The following APTX variants were observed in gnomAD, a reference collection of about 807,000 sequenced individuals.
APTX encodes forkhead-associated domain histidine triad-like protein.
APTX carries 33 observed loss-of-function variants against 42.3 expected under a neutral mutation model. That is an observed-to-expected ratio of 0.78 (90% confidence interval 0.59 to 1.04). The LOEUF is 1.04. Among genes scored for constraint, APTX ranks in the 50% least tolerant of loss-of-function variants. The probability of loss-of-function intolerance (pLI) is 0.00; values close to 1 mark genes in which losing one functional copy is unlikely to be tolerated. For synonymous variants in APTX, 130 were observed against 146.7 expected (o/e 0.89, Z 0.82); for missense variants, 421 against 415.1 (o/e 1.01, Z -0.12).
At chr9:33,004,404 G>A (rs1738150762), upstream of APTX, among the ~76,000 whole-genome samples, 1 of 152,096 alleles carries the variant, frequency 6.6e-6, no homozygotes, top group Non-Finnish European at 1.5e-5. Flanking sequence ...AAAACCATTT[G>A]TACCCCTAAA....
intron 6 of APTX, among the ~76,000 whole-genome samples, chr9:32,983,386 G>C (rs983319624): frequency 1.3e-5 from 2 of 152,148 alleles, no homozygotes; most frequent in African/African-American, 4.8e-5. Context: ...AGGGGCACAA[G>C]GGAACTTTCT....
At chr9:33,004,936 G>A (rs1024000243), upstream of APTX, among the ~76,000 whole-genome samples, 3 of 151,874 alleles carry the variant, frequency 2.0e-5, no homozygotes, top group South Asian at 2.1e-4. Context: ...CACTGCGCCC[G>A]GCCGCTTGTT....
intron 1 of APTX, among the ~76,000 whole-genome samples, chr9:33,000,823 G>A (rs1331522660): frequency 6.7e-6 from 1 of 149,242 alleles, no homozygotes; most frequent in Admixed American, 6.7e-5. Flanking sequence ...GGTATGTATG[G>A]GGAAAGGCTT....
At chr9:33,001,220 G>A (rs577314785) in intron 1 of APTX, 341 of 1,186,670 alleles carry the variant, frequency 2.9e-4, no homozygotes, top group Non-Finnish European at 3.7e-4. Context: ...TGCCTTTCAC[G>A]AAGCATTTCT....
chr9:33,020,855 C>T (rs1475685323), intron 1 of APTX, among the ~76,000 whole-genome samples: 1 of 152,208 alleles, frequency 6.6e-6, no homozygotes, highest in Non-Finnish European at 1.5e-5. Flanking sequence ...ATTGGCCAGG[C>T]GTGGTGGCTC....
intron 1 of APTX, among the ~76,000 whole-genome samples, chr9:32,992,791 C>T (rs1269705389): frequency 6.6e-6 from 1 of 152,096 alleles, no homozygotes; most frequent in Non-Finnish European, 1.5e-5. Context: ...GTTAATATAA[C>T]GTGAGCCAGA....
At chr9:33,012,998 G>T (rs1213181673) in intron 1 of APTX, among the ~76,000 whole-genome samples, 2 of 152,156 alleles carry the variant, frequency 1.3e-5, no homozygotes, top group Non-Finnish European at 1.5e-5. Context: ...AAAAGGGATT[G>T]TGTCTGTCAC....
chr9:33,024,531 G>A (rs933932052), intron 1 of APTX, among the ~76,000 whole-genome samples: 5 of 152,270 alleles, frequency 3.3e-5, no homozygotes, highest in Admixed American at 2.0e-4. Flanking sequence ...CTACTCTGTA[G>A]CCAAACTGGG....
chr9:32,987,111 G>C (rs768197644), intron 4 of APTX, among the ~76,000 whole-genome samples: 13 of 152,222 alleles, frequency 8.5e-5, no homozygotes, highest in Admixed American at 2.0e-4. Flanking sequence ...ACTGCACCCA[G>C]CCAGCCTTCC....
chr9:33,023,409 G>A (rs536033994), intron 1 of APTX, among the ~76,000 whole-genome samples: 1 of 151,444 alleles, frequency 6.6e-6, no homozygotes, highest in Admixed American at 6.6e-5. Context: ...ATTTTTAGTA[G>A]AGAAGGGTTT....
At chr9:33,002,414 A>G (rs1003373287), upstream of APTX, among the ~76,000 whole-genome samples, 5 of 152,174 alleles carry the variant, frequency 3.3e-5, no homozygotes, top group Admixed American at 6.5e-5. Flanking sequence ...ACCAAGAACC[A>G]CCACCACCAC....
intron 1 of APTX, among the ~76,000 whole-genome samples, chr9:33,012,031 C>T (rs1244848039): frequency 1.3e-5 from 2 of 152,218 alleles, no homozygotes; most frequent in Non-Finnish European, 2.9e-5. Context: ...CCCCGAGACA[C>T]TCCTACTTTG....
intron 1 of APTX, among the ~76,000 whole-genome samples, chr9:33,021,989 G>T (rs1838422953): frequency 6.7e-6 from 1 of 148,556 alleles, no homozygotes; most frequent in Non-Finnish European, 1.5e-5. Flanking sequence ...GGGAAACAAT[G>T]AAAGTACTAG....
intron 1 of APTX, chr9:33,024,709 C>A (rs1043598673): frequency 7.2e-5 from 11 of 152,298 alleles, no homozygotes; most frequent in African/African-American, 2.6e-4. Flanking sequence ...AAAGCCTTAA[C>A]AACTTCACAA....
chr9:33,001,791 G>T (rs563751106), upstream of APTX: 111 of 730,160 alleles, frequency 1.5e-4, no homozygotes, highest in African/African-American at 1.6e-3. Context: ...TGGAAGTTAT[G>T]CCTGTGGGGA....
chr9:32,985,850 C>T, intron 5 of APTX, 121 bp downstream of exon 5: 1 of 942,830 alleles, frequency 1.1e-6, no homozygotes, highest in Non-Finnish European at 1.7e-6. Context: ...ACAGAACAGC[C>T]CAATAAAATG....
chr9:33,019,170 C>G (rs896011919), intron 1 of APTX, among the ~76,000 whole-genome samples: 8 of 152,104 alleles, frequency 5.3e-5, no homozygotes, highest in Non-Finnish European at 1.2e-4. Flanking sequence ...AGGAACTCTA[C>G]TATCCTGACA....
chr9:32,997,094 T>C (rs923913462), intron 1 of APTX: 1 of 152,254 alleles, frequency 6.6e-6, no homozygotes, highest in African/African-American at 2.4e-5. Context: ...CACTGCATCA[T>C]ATAACTTTTG....
chr9:32,973,902 C>CAA (rs1554658357), intron 7 of APTX, among the ~76,000 whole-genome samples: 17 of 152,116 alleles, frequency 1.1e-4, no homozygotes, highest in African/African-American at 4.1e-4. Flanking sequence ...GTTACTCTGT[C>CAA]AAGAGCTCAT....
Sources: allele counts gnomAD v4.1 joint callset (sites outside exome capture counted in the v4.1 genomes callset), GRCh38; gene constraint gnomAD v4.1.1; transcripts MANE v1.5; gene names NCBI Gene and HGNC (gene_info 2026-07-23, HGNC 2026-07-21).